Variants in SLC27A4 observed in about 807,000 individuals in gnomAD.
SLC27A4 encodes long-chain fatty acid transport protein 4.
In SLC27A4, 33 loss-of-function variants were observed where a neutral mutation model predicts 64.4. The observed-to-expected ratio is 0.51, with a 90% CI of 0.39 to 0.68. The LOEUF (loss-of-function observed/expected upper bound fraction) is 0.68, where lower values mean the gene tolerates loss of function less well. SLC27A4 is among the 30% of genes least tolerant of loss of function. The pLI is 0.00. For missense variants in SLC27A4, 824 were observed against 883.5 expected (o/e 0.93, Z 0.85); for synonymous variants, 377 against 370.0 (o/e 1.02, Z -0.22).
At chr9:128,342,076 C>G in intron 1 of SLC27A4, 1 of 654,332 alleles carries the variant, frequency 1.5e-6, no homozygotes, top group Non-Finnish European at 2.8e-6. Flanking sequence ...CCCAGGCCAT[C>G]CGGTTTTAGG....
intron 1 of SLC27A4, 28 bp downstream of exon 1, chr9:128,340,866 C>G: frequency 1.6e-6 from 1 of 625,080 alleles, no homozygotes; most frequent in Non-Finnish European, 3.0e-6. Flanking sequence ...TGGTGGGTTC[C>G]CGGGTGGGGA....
At chr9:128,342,368 G>A in intron 1 of SLC27A4, 2 of 1,610,948 alleles carry the variant, frequency 1.2e-6, no homozygotes, top group Non-Finnish European at 1.7e-6. Flanking sequence ...GAATCGTAAT[G>A]AGGCGTGCAC....
At position 128,360,608 on chromosome 9, in the gene SLC27A4, A is replaced by T; in HGVS notation, c.*117A>T. Reference sequence around the variant, plus strand: ...AGCAGGGCCTGGCACCTCCATCCTGAGGTGCTGCCCCTCCATCCAAAACTG... The same window carrying T: ...AGCAGGGCCTGGCACCTCCATCCTGTGGTGCTGCCCCTCCATCCAAAACTG... On this transcript the variant is annotated 3_prime_UTR_variant, in exon 13 of 13. Transcript: ENST00000300456. The T allele has an allele frequency of 9.3e-7, 1 of 1,071,148 alleles. No homozygotes were observed. The highest frequency in any genetic ancestry group is 1.4e-6 in the Non-Finnish European group (1 of 721,658). 66.4% of individuals were successfully genotyped at this position (1,071,148 alleles called of 1,614,324 possible). A position where few individuals can be genotyped will look rare whatever the true frequency, so the allele number is the denominator to read the frequency against.
Position 128,343,243 on chromosome 9 carries a change from C to G in SLC27A4, c.111C>G (p.Gly37=). Residue 37 remains glycine (G), a synonymous_variant, in exon 2 of 13, where the codon GGC becomes GGG. Coordinates refer to ENST00000300456, the MANE Select transcript of SLC27A4 (RefSeq NM_005094.4). The stretch of plus-strand genomic sequence containing the variant: ...TGTTGTTCCTCTACTTGGGATCTGG[C>G]GGCTGGCGCTTCATCCGGGTCTTCA... The part of the protein sequence containing the change: ...FSLLFLYLGS[G]GWRFIRVFIK... 1 of 1,614,130 alleles carries G rather than the reference C, an allele frequency of 6.2e-7. No individual in the cohort carries two copies. Among genetic ancestry groups the G allele is most frequent in the Non-Finnish European group, 8.5e-7 (1 of 1,180,022 alleles).
chr9:128,355,076 C>T lies in SLC27A4; in HGVS notation c.1348C>T (p.Arg450Cys), dbSNP rs780093092. The change falls in exon 10 of 13, where the codon CGC (arginine) becomes TGC (cysteine). Residue 450 changes from arginine (R) to cysteine (C), a missense_variant. Coordinates refer to ENST00000300456, the MANE Select transcript of SLC27A4 (RefSeq NM_005094.4). ...QPGEPGQLVG[R>C]IIQKDPLRRF... ...AGGTGAGCCGGGCCAGCTGGTGGGCCGCATCATCCAGAAAGACCCCCTGCG... is the reference window on the plus strand; with the variant it reads ...AGGTGAGCCGGGCCAGCTGGTGGGCTGCATCATCCAGAAAGACCCCCTGCG... The T allele has an allele frequency of 1.4e-5, 23 of 1,611,214 alleles. No homozygotes were observed. Among genetic ancestry groups the T allele is most frequent in the South Asian group, 3.3e-5 (3 of 90,596 alleles).
chr9:128,342,544 C>G (rs1832591237), intron 1 of SLC27A4: 3 of 709,810 alleles, frequency 4.2e-6, no homozygotes, highest in Admixed American at 4.9e-5. Context: ...CCTCTCCCAT[C>G]TGTCTATCTG....
In SLC27A4 at chr9:128,358,083, A is replaced by G. The variant is rs544678989; in HGVS notation, c.1775-2251A>G. Among the ~76,000 whole-genome samples the G allele has an allele frequency of 2.6e-5, 4 of 152,336 alleles. No individual in the cohort carries two copies. The South Asian group carries it at 8.3e-4, about 32-fold the overall frequency. Reference sequence around the variant, plus strand: ...ACCACCCCCAAACTTACTTGCCCCAAAATGGCTCGAAACAACCAGTTTATT... The same window carrying G: ...ACCACCCCCAAACTTACTTGCCCCAGAATGGCTCGAAACAACCAGTTTATT... On this transcript the variant is annotated intron_variant, in intron 12 of 12. Transcript: ENST00000300456.
chr9:128,358,863 C>CT (rs1679230875), intron 12 of SLC27A4, among the ~76,000 whole-genome samples: 1 of 152,222 alleles, frequency 6.6e-6, no homozygotes, highest in Non-Finnish European at 1.5e-5. Flanking sequence ...CTTTGGAAGG[C>CT]TAGACTAGCC....
At chr9:128,359,956 G>A (rs1832874433) in intron 12 of SLC27A4, among the ~76,000 whole-genome samples, 1 of 152,186 alleles carries the variant, frequency 6.6e-6, no homozygotes, top group African/African-American at 2.4e-5. Flanking sequence ...TGGGGCTGAT[G>A]TACAGATGAA....
rs754681667 is a variant in SLC27A4, at chr9:128,345,332, T to C, written c.339T>C (p.Ser113=). The change falls in exon 3 of 13, where the codon AGT becomes AGC. Residue 113 remains serine (S), a synonymous_variant. Transcript: ENST00000300456. This position sits in a 1 kb window ranked among gnomAD's most constrained non-coding sequence, Gnocchi z 4.1. The part of the protein sequence containing the change: ...TFRQLDEYSS[S]VANFLQARGL... The stretch of plus-strand genomic sequence containing the variant: ...GCCAGCTGGATGAGTACTCAAGCAG[T>C]GTAGCCAACTTCCTGCAGGCCCGGG... 2 of 1,613,762 alleles carry C rather than the reference T, an allele frequency of 1.2e-6. No homozygotes were observed. Among genetic ancestry groups the C allele is most frequent in the Non-Finnish European group, 1.7e-6 (2 of 1,179,976 alleles).
At position 128,355,320 on chromosome 9, in the gene SLC27A4, C is replaced by A. The variant is rs1394582010; in HGVS notation, c.1463-78C>A. ...TTGTGGTCAAACAAATCCTTGGGCT[C>A]CAGCAAAGCCTCCCTGGCTTGAGCC... On this transcript the variant is annotated intron_variant, in intron 10 of 12. Transcript: ENST00000300456. 4 of 1,604,652 alleles carry A rather than the reference C, an allele frequency of 2.5e-6. No homozygotes were observed. In the East Asian group the frequency reaches 9.0e-5, roughly 36 times the overall value.
At chr9:128,349,745 C>T (rs563631162) in intron 4 of SLC27A4, among the ~76,000 whole-genome samples, 1 of 152,290 alleles carries the variant, frequency 6.6e-6, no homozygotes, top group Non-Finnish European at 1.5e-5. Context: ...GGCCGAGCCT[C>T]ACATAGAAAC....
At chr9:128,349,757 C>G (rs188658914) in intron 4 of SLC27A4, among the ~76,000 whole-genome samples, 3 of 152,212 alleles carry the variant, frequency 2.0e-5, no homozygotes, top group African/African-American at 7.2e-5. Context: ...CATAGAAACT[C>G]TAACGTGGCA....
Position 128,345,006 on chromosome 9 carries a change from A to T in SLC27A4, c.162-149A>T. 1.2e-6 allele frequency: 1 copy of T among 832,538 alleles called. No homozygotes were observed. Among genetic ancestry groups the T allele is most frequent in the Admixed American group, 2.2e-5 (1 of 45,492 alleles). The allele number at this position is 832,538 out of a possible 1,614,324, so 51.6% of individuals were successfully genotyped here. ...TTGAGAGGCATCAGTAAGGCAGTGC[A>T]TGTTCCCAGCAGGAGCCAGGAGATA... On this transcript the variant is annotated intron_variant, in intron 2 of 12. Transcript: ENST00000300456. The surrounding 1 kb of genome is among the most constrained non-coding windows in gnomAD (Gnocchi z 4.1).
Position 128,340,822 on chromosome 9 carries a change from G to C in SLC27A4, c.-23G>C. 2 of 685,936 alleles carry C rather than the reference G, an allele frequency of 2.9e-6. No homozygotes were observed. The highest frequency in any genetic ancestry group is 2.7e-6 in the Non-Finnish European group (1 of 371,410). The allele number at this position is 685,936 out of a possible 1,614,324, so 42.5% of individuals were successfully genotyped here. ...GCCGCATCTGGACGGGGCGCCGCGC[G>C]GCGGAGCCGACGCCGGGTGAGCATA... On this transcript the variant is annotated 5_prime_UTR_variant, in exon 1 of 13. Coordinates refer to ENST00000300456, the MANE Select transcript of SLC27A4 (RefSeq NM_005094.4).
At chr9:128,349,230 C>T (rs573854848) in intron 4 of SLC27A4, among the ~76,000 whole-genome samples, 1 of 152,330 alleles carries the variant, frequency 6.6e-6, no homozygotes, top group East Asian at 1.9e-4. Context: ...CTACCTGGTT[C>T]TTCTGCTCTT....
intron 1 of SLC27A4, chr9:128,342,550 A>C (rs550992218): frequency 1.5e-6 from 1 of 684,032 alleles, no homozygotes; most frequent in African/African-American, 1.8e-5. Flanking sequence ...CCATCTGTCT[A>C]TCTGGCTGGC....
chr9:128,352,972 A>G, intron 7 of SLC27A4, 53 bp from the exon 8 acceptor site: 3 of 1,465,226 alleles, frequency 2.0e-6, no homozygotes, highest in Non-Finnish European at 2.8e-6. Flanking sequence ...GGAGAATCCT[A>G]GTGTAGTGAG....
Position 128,345,210 on chromosome 9 carries a change from C to T in SLC27A4, c.217C>T (p.Arg73Trp), listed in dbSNP as rs202102875. Residue 73 changes from arginine (R) to tryptophan (W), a missense_variant, in exon 3 of 13, where the codon CGG becomes TGG. Physicochemically the swap from Arg to Trp is moderately radical, Grantham distance 101. Transcript: ENST00000300456. This position sits in a 1 kb window ranked among gnomAD's most constrained non-coding sequence, Gnocchi z 4.1. ...KAKVRQCLQERRTVPILFAST... is the reference protein window; with the variant it reads ...KAKVRQCLQEWRTVPILFAST... ...AAAGGTGCGACAGTGCCTGCAGGAG[C>T]GGCGGACAGTGCCCATTTTGTTTGC... The T allele has an allele frequency of 1.4e-5, 22 of 1,613,664 alleles. No homozygotes were observed. Among genetic ancestry groups the T allele is most frequent in the East Asian group, 4.5e-5 (2 of 44,872 alleles).
Sources: gnomAD v4.1 joint callset for allele counts (sites outside exome capture counted in the v4.1 genomes callset) on GRCh38, gnomAD v4.1.1 for gene constraint, Gnocchi (gnomAD v3.1) non-coding constraint, MANE v1.5 for transcripts, NCBI Gene and HGNC (gene_info 2026-07-23, HGNC 2026-07-21) for gene names.